Variants in COL14A1 observed in about 807,000 individuals in gnomAD.
COL14A1 encodes collagen alpha-1(XIV) chain.
In COL14A1, 136 loss-of-function variants were observed where a neutral mutation model predicts 230.3. That is an observed-to-expected ratio of 0.59 (90% CI 0.51 to 0.68). The LOEUF is 0.68. COL14A1 is among the 30% of genes least tolerant of loss of function. COL14A1 has a pLI of 0.00. For synonymous variants in COL14A1, 792 were observed against 784.1 expected, an observed-to-expected ratio of 1.01 and a Z score of -0.17; for missense variants, 1,976 against 2,215.8, an observed-to-expected ratio of 0.89 and a Z score of 2.17.
Position 120,300,798 on chromosome 8 carries a change from C to G in COL14A1, c.4381C>G (p.Leu1461Val). Reference sequence around the variant, plus strand: ...CTGTTCTGAAACCAATGAAGTGGCTCTGGGACCAGCGGGCCCACCAGTAAG... The same window carrying G: ...CTGTTCTGAAACCAATGAAGTGGCTGTGGGACCAGCGGGCCCACCAGTAAG... ...CSCSETNEVALGPAGPPGGPG... is the reference protein window; with the variant it reads ...CSCSETNEVAVGPAGPPGGPG... Residue 1461 changes from leucine to valine, a missense_variant, in exon 36 of 48, where the codon CTG becomes GTG. By Grantham distance (32) the Leu-to-Val change is conservative. Coordinates refer to ENST00000297848, the MANE Select transcript of COL14A1 (RefSeq NM_021110.4). The G allele has an allele frequency of 1.9e-6, 3 of 1,613,582 alleles. No individual in the cohort carries two copies. Among genetic ancestry groups the G allele is most frequent in the Non-Finnish European group, 1.7e-6 (2 of 1,179,614 alleles).
At chr8:120,125,640 C>G (rs916284237) in intron 1 of COL14A1, among the ~76,000 whole-genome samples, 1 of 152,040 alleles carries the variant, frequency 6.6e-6, no homozygotes, top group South Asian at 2.1e-4. Context: ...GTGACGTGAG[C>G]GTGTGGCGGG....
At chr8:120,261,110 C>T (rs1819310213) in intron 23 of COL14A1, among the ~76,000 whole-genome samples, 3 of 151,948 alleles carry the variant, frequency 2.0e-5, no homozygotes, top group Admixed American at 2.0e-4. Flanking sequence ...TGTAATATTC[C>T]CAACACAAAG....
rs758850925 is a variant in COL14A1 at position 120,203,803 on chromosome 8, C to A, written c.972C>A (p.His324Gln). ...VYNVAEFDLM[H>Q]TVVESLTRTL... is the part of the protein sequence containing the mutation. ...ATGTTGCCGAATTCGATCTGATGCA[C>A]ACAGTTGTGGAGAGTCTGACCAGGA... The change falls in exon 9 of 48, where the codon CAC (histidine) becomes CAA (glutamine). Residue 324 changes from histidine to glutamine, a missense_variant. By Grantham distance (24) the His-to-Gln change is conservative. Coordinates refer to ENST00000297848, the MANE Select transcript of COL14A1 (RefSeq NM_021110.4). 6.2e-6 allele frequency: 10 copies of A among 1,613,810 alleles called. No individual in the cohort carries two copies. Among genetic ancestry groups the A allele is most frequent in the Middle Eastern group, 1.6e-4 (1 of 6,084 alleles).
intron 24 of COL14A1, among the ~76,000 whole-genome samples, chr8:120,265,303 C>T (rs1819470187): frequency 6.6e-6 from 1 of 152,020 alleles, no homozygotes; most frequent in South Asian, 2.1e-4. Context: ...AAAGAAGATG[C>T]ACAATTATTA....
intron 5 of COL14A1, among the ~76,000 whole-genome samples, chr8:120,193,540 T>G (rs916033360): frequency 6.6e-6 from 1 of 152,308 alleles, no homozygotes; most frequent in African/African-American, 2.4e-5. Flanking sequence ...TTCTCAGATC[T>G]CCAGCTGCAT....
rs373777364 is a variant in COL14A1, at chr8:120,214,450, A to G, written c.1597+1873A>G. ...TAAAGAGCTCATGAAGCTGTCAAAAATTATGGACAATTTTTAATTTGTTGA... is the reference window on the plus strand; with the variant it reads ...TAAAGAGCTCATGAAGCTGTCAAAAGTTATGGACAATTTTTAATTTGTTGA... On this transcript the variant is annotated intron_variant, in intron 13 of 47. Coordinates refer to ENST00000297848, the MANE Select transcript of COL14A1 (RefSeq NM_021110.4). Among the ~76,000 whole-genome samples the G allele has an allele frequency of 3.7e-4, 57 of 152,330 alleles. No individual in the cohort carries two copies. The South Asian group carries it at 0.012, about 31-fold the overall frequency.
At chr8:120,320,781 G>A (rs570557639) in intron 40 of COL14A1, among the ~76,000 whole-genome samples, 15 of 152,322 alleles carry the variant, frequency 9.8e-5, no homozygotes, top group African/African-American at 3.6e-4. Flanking sequence ...CAGCCACAGT[G>A]ATGATGGTAT....
intron 42 of COL14A1, among the ~76,000 whole-genome samples, chr8:120,340,090 G>T (rs984114237): frequency 7.4e-6 from 1 of 136,010 alleles, no homozygotes; most frequent in Non-Finnish European, 1.6e-5. Flanking sequence ...TGTATGTGGT[G>T]TATGTTTGTG....
At chr8:120,172,036 T>C (rs1816108322) in intron 5 of COL14A1, among the ~76,000 whole-genome samples, 1 of 152,194 alleles carries the variant, frequency 6.6e-6, no homozygotes, top group Non-Finnish European at 1.5e-5. Flanking sequence ...GAATTTTTTA[T>C]GGTGCTTGGT....
chr8:120,197,704 A>C, intron 6 of COL14A1, 107 bp from the exon 7 acceptor site: 2 of 1,236,926 alleles, frequency 1.6e-6, no homozygotes, highest in South Asian at 1.8e-5. Flanking sequence ...CCAAAATAAA[A>C]AATTTTTGCA....
intron 1 of COL14A1, among the ~76,000 whole-genome samples, chr8:120,147,565 G>A (rs1563635242): frequency 6.6e-6 from 1 of 152,174 alleles, no homozygotes; most frequent in African/African-American, 2.4e-5. Context: ...ATAGGGAAGA[G>A]TCACAAAGTA....
intron 5 of COL14A1, among the ~76,000 whole-genome samples, chr8:120,194,099 C>T (rs543203430): frequency 3.3e-5 from 5 of 152,316 alleles, no homozygotes; most frequent in South Asian, 2.1e-4. Flanking sequence ...GGGATGAACC[C>T]GGTACCTCAG....
intron 1 of COL14A1, among the ~76,000 whole-genome samples, chr8:120,134,854 A>T (rs979849806): frequency 6.6e-6 from 1 of 152,210 alleles, no homozygotes; most frequent in Non-Finnish European, 1.5e-5. Context: ...GCATGCCTGT[A>T]ATCCCAGCTA....
intron 14 of COL14A1, among the ~76,000 whole-genome samples, chr8:120,219,290 G>A (rs1278431809): frequency 1.3e-5 from 2 of 152,026 alleles, no homozygotes; most frequent in African/African-American, 4.8e-5. Context: ...TTTTTGTACA[G>A]ACGAGGTTTT....
chr8:120,295,004 T>C (rs1487746481), intron 34 of COL14A1, among the ~76,000 whole-genome samples: 1 of 151,902 alleles, frequency 6.6e-6, no homozygotes, highest in East Asian at 1.9e-4. Flanking sequence ...TTATAGGTGG[T>C]TAGGTGGTAG....
chr8:120,328,417 G>A (rs1314429924), intron 40 of COL14A1, among the ~76,000 whole-genome samples: 2 of 149,676 alleles, frequency 1.3e-5, no homozygotes, highest in Non-Finnish European at 3.0e-5. Flanking sequence ...TTTTGGTAGA[G>A]ATAGGGGTGT....
intron 1 of COL14A1, among the ~76,000 whole-genome samples, chr8:120,131,235 A>G (rs1466563060): frequency 6.6e-6 from 1 of 152,146 alleles, no homozygotes; most frequent in Non-Finnish European, 1.5e-5. Context: ...GTATATATCC[A>G]TTAGTGGGAT....
At chr8:120,363,507 A>G (rs1217660440) in intron 45 of COL14A1, among the ~76,000 whole-genome samples, 1 of 152,214 alleles carries the variant, frequency 6.6e-6, no homozygotes, top group East Asian at 1.9e-4. Context: ...TGATAGGTGC[A>G]GCAAACCACC....
intron 1 of COL14A1, among the ~76,000 whole-genome samples, chr8:120,126,801 A>G (rs1814356052): frequency 6.6e-6 from 1 of 152,232 alleles, no homozygotes; most frequent in South Asian, 2.1e-4. Context: ...TGAGTGAATG[A>G]ATAAATGAAT....
Sources: allele counts gnomAD v4.1 joint callset (sites outside exome capture counted in the v4.1 genomes callset), GRCh38; gene constraint gnomAD v4.1.1; transcripts MANE v1.5; gene names NCBI Gene and HGNC (gene_info 2026-07-23, HGNC 2026-07-21).